HRH1: variants seen among roughly 807,000 people sequenced by gnomAD.
HRH1 encodes histamine receptor H1, also known as histamine H1 receptor.
In HRH1, 6 loss-of-function variants were observed where a neutral mutation model predicts 10.3. The observed-to-expected ratio is 0.58, with a 90% CI of 0.32 to 1.15. The LOEUF is 1.15. HRH1 is among the 50% of genes most tolerant of loss of function. The probability of loss-of-function intolerance (pLI) is 0.05; values close to 1 mark genes in which losing one functional copy is unlikely to be tolerated. For synonymous variants in HRH1, 242 were observed against 236.7 expected (o/e 1.02, Z -0.21); for missense variants, 514 against 615.3 (o/e 0.84, Z 1.74).
At chr3:11,187,374 G>T (rs1481502804) in intron 1 of HRH1, among the ~76,000 whole-genome samples, 1 of 151,752 alleles carries the variant, frequency 6.6e-6, no homozygotes, top group African/African-American at 2.4e-5. Context: ...AACTACAAAG[G>T]TTATATAATA....
chr3:11,246,353 T>C (rs1259115171), intron 1 of HRH1, among the ~76,000 whole-genome samples: 5 of 152,204 alleles, frequency 3.3e-5, no homozygotes, highest in Non-Finnish European at 1.5e-5. Context: ...ACTGTTTCCA[T>C]AGGCATGGCT....
chr3:11,213,192 C>T (rs927456891), intron 1 of HRH1, among the ~76,000 whole-genome samples: 1 of 152,186 alleles, frequency 6.6e-6, no homozygotes. Context: ...TCCTTGTGGA[C>T]GAGCACTTTG....
rs570445161 is a variant in HRH1 at position 11,227,372 on chromosome 3, C to T, written c.-35-31631C>T. 1.1e-3 allele frequency among the ~76,000 whole-genome samples: 173 copies of T among 151,916 alleles called. 1 individual carries two copies. Among genetic ancestry groups the T allele is most frequent in the African/African-American group, 3.7e-3 (152 of 41,400 alleles). On this transcript the variant is annotated intron_variant, in intron 1 of 1. Coordinates refer to ENST00000431010, the MANE Select transcript of HRH1 (RefSeq NM_001098212.2). Reference sequence around the variant, plus strand: ...CGTGATATCAGCTCACTGCAGCCTCCGCCTCCCTGGTTCAAGCAATTCTCC... The same window carrying T: ...CGTGATATCAGCTCACTGCAGCCTCTGCCTCCCTGGTTCAAGCAATTCTCC...
chr3:11,256,978 C>T (rs904361902), intron 1 of HRH1, among the ~76,000 whole-genome samples: 9 of 152,018 alleles, frequency 5.9e-5, no homozygotes, highest in East Asian at 1.9e-4. Flanking sequence ...CTTGGCCGGG[C>T]GCAGTGGCTC....
At chr3:11,249,879 G>A (rs379241) in intron 1 of HRH1, among the ~76,000 whole-genome samples, 82,485 of 151,712 alleles carry the variant, frequency 0.54, 23,624 homozygotes, top group Non-Finnish European at 0.65. Flanking sequence ...TTCTGAAGTA[G>A]AGTTGTCTTT....
intron 1 of HRH1, among the ~76,000 whole-genome samples, chr3:11,242,121 G>A (rs540064047): frequency 5.3e-5 from 8 of 152,258 alleles, no homozygotes; most frequent in Admixed American, 4.6e-4. Context: ...GGCTGTAGAA[G>A]GTTTCTTCTT....
In HRH1 at chr3:11,217,387, G is replaced by A. The variant is rs116359952; in HGVS notation, c.-35-41616G>A. Among the ~76,000 whole-genome samples, 769 of 152,044 alleles carry A rather than the reference G, an allele frequency of 5.1e-3. 9 individuals carry two copies. The highest frequency in any genetic ancestry group is 0.018 in the African/African-American group (728 of 41,476). ...TCTACAAAAATACAAAAATTATCCC[G>A]GCATGATGGCAGGTGCCTGTAATCT... On this transcript the variant is annotated intron_variant, in intron 1 of 1. Coordinates refer to ENST00000431010, the MANE Select transcript of HRH1 (RefSeq NM_001098212.2).
rs138120998 is a variant in HRH1, at chr3:11,259,623, A to G, written c.586A>G (p.Ile196Val). The G allele has an allele frequency of 6.6e-5, 107 of 1,614,002 alleles. No individual in the cohort carries two copies. Among genetic ancestry groups the G allele is most frequent in the Non-Finnish European group, 8.5e-5 (100 of 1,180,024 alleles). ...CACCTGGTTCAAGGTCATGACTGCC[A>G]TCATCAACTTCTACCTGCCCACCTT... ...DVTWFKVMTA[I>V]INFYLPTLLM... The change falls in exon 2 of 2, where the codon ATC (isoleucine) becomes GTC (valine). Residue 196 changes from isoleucine (I) to valine (V), a missense_variant. By Grantham distance (29) the Ile-to-Val change is conservative (BLOSUM62 3). Transcript: ENST00000431010. The surrounding 1 kb of genome is among the most constrained non-coding windows in gnomAD (Gnocchi z 4.6).
At chr3:11,202,396 C>T (rs1937956054) in intron 1 of HRH1, among the ~76,000 whole-genome samples, 1 of 101,170 alleles carries the variant, frequency 9.9e-6, no homozygotes, top group Non-Finnish European at 2.0e-5. Context: ...CAGAGCAAGA[C>T]TCCATCTCAA....
intron 1 of HRH1, among the ~76,000 whole-genome samples, chr3:11,224,372 C>T (rs993152951): frequency 1.3e-5 from 2 of 152,148 alleles, no homozygotes; most frequent in Non-Finnish European, 2.9e-5. Context: ...AATAGGGCCT[C>T]ACTTCTCTTT....
intron 1 of HRH1, among the ~76,000 whole-genome samples, chr3:11,172,294 G>A (rs1937165918): frequency 6.6e-6 from 1 of 152,230 alleles, no homozygotes; most frequent in Admixed American, 6.5e-5. Flanking sequence ...GGCCCAAGTG[G>A]GAAAGATGAG....
rs576455294 is a variant in HRH1, at chr3:11,195,494, G to A, written c.-36+40940G>A. Among the ~76,000 whole-genome samples, 20 of 152,318 alleles carry A rather than the reference G, an allele frequency of 1.3e-4. No homozygotes were observed. In the South Asian group the frequency reaches 2.3e-3, roughly 17 times the overall value. ...CACTGGAAGTTCCCTCCACTTCAGCGTACAGAGTGGGAATGACCTGGTGTG... is the reference window on the plus strand; with the variant it reads ...CACTGGAAGTTCCCTCCACTTCAGCATACAGAGTGGGAATGACCTGGTGTG... On this transcript the variant is annotated intron_variant, in intron 1 of 1. Coordinates refer to ENST00000431010, the MANE Select transcript of HRH1 (RefSeq NM_001098212.2).
At chr3:11,192,697 A>G (rs943427444) in intron 1 of HRH1, among the ~76,000 whole-genome samples, 4 of 152,236 alleles carry the variant, frequency 2.6e-5, no homozygotes, top group African/African-American at 9.6e-5. Flanking sequence ...CCTGGGCAAC[A>G]TAGCAAGACC....
intron 1 of HRH1, among the ~76,000 whole-genome samples, chr3:11,234,839 C>A (rs1299117999): frequency 6.6e-6 from 1 of 152,168 alleles, no homozygotes; most frequent in Admixed American, 6.5e-5. Flanking sequence ...TTTATATTTT[C>A]TGTTTCTTTG....
At chr3:11,152,842 G>A (rs1160035823), upstream of HRH1, among the ~76,000 whole-genome samples, 1 of 151,906 alleles carries the variant, frequency 6.6e-6, no homozygotes, top group East Asian at 1.9e-4. Flanking sequence ...TCTTGGCTGT[G>A]GGGTTGTGCT....
chr3:11,243,496 C>G (rs1194334696), intron 1 of HRH1, among the ~76,000 whole-genome samples: 1 of 152,166 alleles, frequency 6.6e-6, no homozygotes, highest in Non-Finnish European at 1.5e-5. Flanking sequence ...TTGAGGATAC[C>G]AAGAGAAAGG....
intron 1 of HRH1, chr3:11,137,464 T>G (rs899856542): frequency 2.6e-5 from 4 of 152,842 alleles, no homozygotes; most frequent in African/African-American, 9.7e-5. Flanking sequence ...GGTGACGGGC[T>G]CTGGGGGCTG....
intron 1 of HRH1, among the ~76,000 whole-genome samples, chr3:11,230,775 G>A (rs1030282737): frequency 1.3e-5 from 2 of 152,130 alleles, no homozygotes; most frequent in Non-Finnish European, 2.9e-5. Context: ...CTGGGAGTGC[G>A]GCCAAGGTAT....
At chr3:11,212,712 G>A (rs1575016538) in intron 1 of HRH1, among the ~76,000 whole-genome samples, 1 of 152,292 alleles carries the variant, frequency 6.6e-6, no homozygotes, top group East Asian at 1.9e-4. Context: ...ATTCATTCAC[G>A]TAATCCATCA....
Sources: gnomAD v4.1 joint callset for allele counts (sites outside exome capture counted in the v4.1 genomes callset) on GRCh38, gnomAD v4.1.1 for gene constraint, Gnocchi (gnomAD v3.1) non-coding constraint, MANE v1.5 for transcripts, NCBI Gene and HGNC (gene_info 2026-07-23, HGNC 2026-07-21) for gene names.